The following RNF14 variants were observed in gnomAD, a reference collection of about 807,000 sequenced individuals.
RNF14 encodes the protein E3 ubiquitin-protein ligase RNF14.
Under a neutral mutation model 52.6 loss-of-function variants are expected in RNF14, and 26 were observed. The ratio of observed to expected loss-of-function variants is 0.49; its 90% CI spans 0.36 to 0.69. RNF14 has a LOEUF of 0.69. Among genes scored for constraint, RNF14 ranks in the 30% least tolerant of loss-of-function variants. The probability of loss-of-function intolerance (pLI) is 0.00; values close to 1 mark genes in which losing one functional copy is unlikely to be tolerated. For synonymous variants in RNF14, 194 were observed against 202.0 expected (o/e 0.96, Z 0.34); for missense variants, 404 against 560.4 (o/e 0.72, Z 2.82).
At chr5:141,960,254 C>T (rs1753257497) in intron 1 of RNF14, among the ~76,000 whole-genome samples, 1 of 152,204 alleles carries the variant, frequency 6.6e-6, no homozygotes, top group African/African-American at 2.4e-5. Flanking sequence ...AAGGGGCTGA[C>T]AGTCGCAGGT....
At chr5:141,951,481 C>T in the RNF14 span, 9 of 1,609,426 alleles carry the variant, frequency 5.6e-6, no homozygotes, top group South Asian at 2.2e-5. Flanking sequence ...GTGGGGGCTA[C>T]GTGCTGCTTA....
At chr5:141,963,554 C>T (rs183828348), upstream of RNF14, among the ~76,000 whole-genome samples, 4 of 152,186 alleles carry the variant, frequency 2.6e-5, no homozygotes, top group East Asian at 7.7e-4. Context: ...ACTCCAAGAT[C>T]GAACTGTTTT....
Position 141,983,435 on chromosome 5 carries a change from A to G in RNF14, c.1119A>G (p.Arg373=), listed in dbSNP as rs752948839. 3.1e-6 allele frequency: 5 copies of G among 1,613,864 alleles called. No homozygotes were observed. The highest frequency in any genetic ancestry group is 4.2e-6 in the Non-Finnish European group (5 of 1,179,892). ...EYLQADEANK[R]LLDQRYGKRV... ...TGCAAGCGGATGAGGCTAATAAAAG[A>G]CTTTTGGATCAAAGGTATGGTAAGA... Residue 373 remains arginine, a synonymous_variant, in exon 7 of 9, where the codon AGA becomes AGG. Coordinates refer to ENST00000394520, the MANE Select transcript of RNF14 (RefSeq NM_004290.5).
chr5:141,984,628 CT>C (rs1299785244), intron 7 of RNF14, among the ~76,000 whole-genome samples, 174 bp from the exon 8 acceptor site: 1 of 152,164 alleles, frequency 6.6e-6, no homozygotes, highest in African/African-American at 2.4e-5. Context: ...CTGTATTTTA[CT>C]TCTAATGCAA....
chr5:141,955,939 A>G (rs750575148), upstream of RNF14: 1 of 1,614,126 alleles, frequency 6.2e-7, no homozygotes, highest in Non-Finnish European at 8.5e-7. This position sits in a 1 kb window ranked among gnomAD's most constrained non-coding sequence, Gnocchi z 5.5. Flanking sequence ...TCCACTGCGG[A>G]TGCTGTAGAG....
At chr5:141,956,387 A>G (rs1188041014), upstream of RNF14, 1 of 1,614,224 alleles carries the variant, frequency 6.2e-7, no homozygotes, top group Non-Finnish European at 8.5e-7. Context: ...TTAATGCCCA[A>G]GTCTGCATCA....
At chr5:141,981,844 C>T (rs1288319268) in intron 6 of RNF14, among the ~76,000 whole-genome samples, 3 of 150,036 alleles carry the variant, frequency 2.0e-5, no homozygotes, top group Admixed American at 2.0e-4. Context: ...AGAGTGGGAC[C>T]CTGTCTCAAA....
chr5:141,983,357 T>G, intron 6 of RNF14, 23 bp from the exon 7 acceptor site: 1 of 1,595,762 alleles, frequency 6.3e-7, no homozygotes, highest in Non-Finnish European at 8.5e-7. Context: ...ATATAAAAGT[T>G]AATTTTCCAT....
chr5:141,972,399 A>G (rs1753861537), intron 2 of RNF14, among the ~76,000 whole-genome samples: 1 of 151,352 alleles, frequency 6.6e-6, no homozygotes, highest in Admixed American at 6.6e-5. Flanking sequence ...CTGGCTAGAT[A>G]TTTTCAGTTG....
At chr5:141,956,897 C>G (rs752665010), upstream of RNF14, 18 of 1,614,164 alleles carry the variant, frequency 1.1e-5, no homozygotes, top group Non-Finnish European at 1.4e-5. Flanking sequence ...ACATCCACCT[C>G]GTAGGCAGGG....
At position 141,970,782 on chromosome 5, in the gene RNF14, CCAGTTAGAGAA is replaced by C. The variant is rs1454609450; in HGVS notation, c.-101_-91del. Reference sequence around the variant, plus strand: ...CCCAGCTTCAGCAGTCTCAGCTCCACCAGTTAGAGAATAAATGGGATTTGCATGAACTCCAC... The same window carrying C: ...CCCAGCTTCAGCAGTCTCAGCTCCACTAAATGGGATTTGCATGAACTCCAC... On this transcript the variant is annotated 5_prime_UTR_variant, in exon 2 of 9. It introduces an in-frame stop codon into an upstream open reading frame of the 5' UTR. Transcript: ENST00000394520. 1 of 152,310 alleles carries C rather than the reference CCAGTTAGAGAA, an allele frequency of 6.6e-6. No individual in the cohort carries two copies. Among genetic ancestry groups the C allele is most frequent in the Non-Finnish European group, 1.5e-5 (1 of 68,036 alleles). 9.4% of individuals were successfully genotyped at this position (152,310 alleles called of 1,614,324 possible).
At chr5:141,962,565 G>A (rs756683128), upstream of RNF14, among the ~76,000 whole-genome samples, 1 of 152,182 alleles carries the variant, frequency 6.6e-6, no homozygotes, top group Non-Finnish European at 1.5e-5. Flanking sequence ...TAGACGGGAG[G>A]AGGGAGATTT....
chr5:141,979,752 A>AT (rs747047024), intron 5 of RNF14, among the ~76,000 whole-genome samples: 157 of 152,202 alleles, frequency 1.0e-3, no homozygotes, highest in Admixed American at 2.0e-3. Context: ...AAAATCAGGC[A>AT]TGATGGCAAG....
At chr5:141,949,437 C>T in the RNF14 span, 7 of 1,612,776 alleles carry the variant, frequency 4.3e-6, no homozygotes, top group Non-Finnish European at 5.9e-6. Context: ...CCTACCTGTG[C>T]TGGGGTCCAG....
intron 1 of RNF14, chr5:141,970,499 A>G (rs1392324502): frequency 8.3e-6 from 1 of 120,168 alleles, no homozygotes; most frequent in Non-Finnish European, 1.8e-5. Context: ...GCAGACAGAT[A>G]AAAAGTCCTC....
upstream of RNF14, chr5:141,955,766 C>T: frequency 6.2e-7 from 1 of 1,613,966 alleles, no homozygotes; most frequent in South Asian, 1.1e-5. This position sits in a 1 kb window ranked among gnomAD's most constrained non-coding sequence, Gnocchi z 5.5. Context: ...ACACTGGTGA[C>T]AAACATGACC....
upstream of RNF14, chr5:141,958,223 G>T (rs1418072884): frequency 2.0e-5 from 4 of 204,674 alleles, no homozygotes; most frequent in Non-Finnish European, 4.0e-5. Context: ...CAGAGAAGCA[G>T]CTTTTTCCTA....
intron 1 of RNF14, among the ~76,000 whole-genome samples, chr5:141,961,116 CATG>C (rs1278878122): frequency 6.6e-6 from 1 of 152,144 alleles, no homozygotes; most frequent in Non-Finnish European, 1.5e-5. Context: ...TTATGGAATT[CATG>C]ATAATTTTAC....
At chr5:141,975,061 T>A in intron 4 of RNF14, 106 bp downstream of exon 4, 1 of 1,231,510 alleles carries the variant, frequency 8.1e-7, no homozygotes, top group Non-Finnish European at 1.1e-6. Flanking sequence ...GAAAAACAAA[T>A]GGCTTTGGTT....
Sources: allele counts gnomAD v4.1 joint callset (sites outside exome capture counted in the v4.1 genomes callset), GRCh38; gene constraint gnomAD v4.1.1; non-coding constraint Gnocchi (gnomAD v3.1); transcripts MANE v1.5; gene names NCBI Gene and HGNC (gene_info 2026-07-23, HGNC 2026-07-21).